CHMP3: variants seen among roughly 807,000 people sequenced by gnomAD.
The protein encoded by CHMP3 is 25.1 protein.
In CHMP3, 8 loss-of-function variants were observed where a neutral mutation model predicts 27.4. The ratio of observed to expected loss-of-function variants is 0.29; its 90% CI spans 0.17 to 0.53. CHMP3 has a LOEUF of 0.53. CHMP3 is among the 20% of genes least tolerant of loss of function. The pLI, the probability that CHMP3 is intolerant of heterozygous loss-of-function variation, is 0.96. For synonymous variants in CHMP3, 86 were observed against 85.5 expected, an observed-to-expected ratio of 1.01 and a Z score of -0.03; for missense variants, 208 against 271.5, an observed-to-expected ratio of 0.77 and a Z score of 1.64.
chr2:86,516,658 G>A lies in CHMP3; in HGVS notation c.287-6179C>T, dbSNP rs181188635. On this transcript the variant is annotated intron_variant, in intron 3 of 5. Coordinates refer to ENST00000263856, the MANE Select transcript of CHMP3 (RefSeq NM_016079.4). ...CAATGGGTAAATGGTTAAATAAACTGGTATATCCATATAATGGAATACCAC... is the reference window on the plus strand; with the variant it reads ...CAATGGGTAAATGGTTAAATAAACTAGTATATCCATATAATGGAATACCAC... Among the ~76,000 whole-genome samples, 395 of 152,192 alleles carry A rather than the reference G, an allele frequency of 2.6e-3. 2 individuals are homozygous for A. The highest frequency in any genetic ancestry group is 0.01 in the Middle Eastern group (3 of 294).
rs148700391 is a variant in CHMP3 at position 86,536,302 on chromosome 2, CCTTT to C, written c.106+5946_106+5949del. Reference sequence around the variant, plus strand: ...CGTGAGCCACCACGCCCGGCCTAAACCTTTCTAATTGTCCATGAATCTACCTTTA... The same window carrying C: ...CGTGAGCCACCACGCCCGGCCTAAACCTAATTGTCCATGAATCTACCTTTA... On this transcript the variant is annotated intron_variant, in intron 2 of 5. Transcript: ENST00000263856. Among the ~76,000 whole-genome samples, 1,456 of 152,302 alleles carry C rather than the reference CCTTT, an allele frequency of 9.6e-3. 14 individuals are homozygous for C. The highest frequency in any genetic ancestry group is 0.018 in the South Asian group (88 of 4,826).
At chr2:86,519,996 C>G (rs1675461743) in intron 3 of CHMP3, among the ~76,000 whole-genome samples, 1 of 151,976 alleles carries the variant, frequency 6.6e-6, no homozygotes, top group Non-Finnish European at 1.5e-5. Context: ...ATTTGTAGAC[C>G]TGAGTAATAA....
intron 2 of CHMP3, among the ~76,000 whole-genome samples, chr2:86,537,756 CACAGTGACTTCTACATTCCCTCATATAT>C (rs1676205324): frequency 6.6e-6 from 1 of 152,156 alleles, no homozygotes; most frequent in South Asian, 2.1e-4. Context: ...CCTGGGCACG[CACAGTGACTTCTACATTCCCTCATATAT>C]ACAGTTACTT....
chr2:86,548,540 G>T (rs1425511236), intron 1 of CHMP3, among the ~76,000 whole-genome samples: 5 of 152,208 alleles, frequency 3.3e-5, no homozygotes, highest in South Asian at 4.1e-4. Flanking sequence ...CAAGGCAGAA[G>T]AATTTTTCTT....
chr2:86,542,706 AT>A (rs1315993225), intron 1 of CHMP3: 2 of 159,572 alleles, frequency 1.3e-5, no homozygotes, highest in Admixed American at 1.3e-4. Flanking sequence ...ATGAGAACTC[AT>A]CTTTCCCTTT....
At chr2:86,509,267 T>C (rs886126014) in intron 4 of CHMP3, among the ~76,000 whole-genome samples, 1 of 152,188 alleles carries the variant, frequency 6.6e-6, no homozygotes, top group Admixed American at 6.5e-5. Context: ...GATCTTCTTA[T>C]CTGGTTCTAG....
At chr2:86,525,335 T>C (rs1675659561) in intron 3 of CHMP3, among the ~76,000 whole-genome samples, 1 of 152,138 alleles carries the variant, frequency 6.6e-6, no homozygotes, top group African/African-American at 2.4e-5. Flanking sequence ...ATGTGATACT[T>C]TGCTGAACTA....
intron 1 of CHMP3, among the ~76,000 whole-genome samples, chr2:86,554,599 G>C (rs1677038817): frequency 6.6e-6 from 1 of 152,154 alleles, no homozygotes; most frequent in Non-Finnish European, 1.5e-5. Flanking sequence ...TATTGCTGAT[G>C]AATGTACAAA....
At chr2:86,527,999 A>G (rs919867787) in intron 3 of CHMP3, among the ~76,000 whole-genome samples, 2 of 152,170 alleles carry the variant, frequency 1.3e-5, no homozygotes, top group African/African-American at 4.8e-5. Context: ...TAATCTTGAT[A>G]GATTTTTTAA....
chr2:86,532,149 T>C (rs1160230624), intron 2 of CHMP3, among the ~76,000 whole-genome samples: 3 of 152,322 alleles, frequency 2.0e-5, no homozygotes, highest in East Asian at 3.9e-4. Context: ...ATCATTTTCA[T>C]TATACAAGTC....
At chr2:86,521,598 C>T (rs1235571676) in intron 3 of CHMP3, among the ~76,000 whole-genome samples, 1 of 152,066 alleles carries the variant, frequency 6.6e-6, no homozygotes, top group Non-Finnish European at 1.5e-5. Flanking sequence ...CCCCATTTCC[C>T]CTTACCCTTG....
At chr2:86,559,387 G>T (rs1677257663) in intron 1 of CHMP3, among the ~76,000 whole-genome samples, 1 of 152,138 alleles carries the variant, frequency 6.6e-6, no homozygotes, top group Non-Finnish European at 1.5e-5. Context: ...GCATATGATA[G>T]TACTTCTCAG....
At chr2:86,550,433 AGAGG>A (rs1676860954) in intron 1 of CHMP3, among the ~76,000 whole-genome samples, 1 of 151,714 alleles carries the variant, frequency 6.6e-6, no homozygotes, top group South Asian at 2.1e-4. Context: ...GGAGAAAGGG[AGAGG>A]GAGAAAGGGA....
intron 3 of CHMP3, among the ~76,000 whole-genome samples, chr2:86,517,167 C>A (rs1675341122): frequency 6.6e-6 from 1 of 152,146 alleles, no homozygotes. Flanking sequence ...CATTCCCACA[C>A]CTGATACAAA....
chr2:86,509,597 G>A (rs894909065), intron 4 of CHMP3, among the ~76,000 whole-genome samples: 7 of 152,180 alleles, frequency 4.6e-5, no homozygotes, highest in African/African-American at 1.7e-4. Context: ...GCATGAAACA[G>A]CATCTGTGTG....
At chr2:86,532,545 C>A (rs1675967984) in intron 2 of CHMP3, among the ~76,000 whole-genome samples, 1 of 152,094 alleles carries the variant, frequency 6.6e-6, no homozygotes, top group African/African-American at 2.4e-5. Flanking sequence ...AGTCTTTCAC[C>A]ATTTATTTTG....
chr2:86,548,815 G>A (rs571913144), intron 1 of CHMP3, among the ~76,000 whole-genome samples: 106 of 149,564 alleles, frequency 7.1e-4, no homozygotes, highest in African/African-American at 2.1e-3. Context: ...CGGGGCGGCC[G>A]GGCAGAGGCG....
intron 2 of CHMP3, among the ~76,000 whole-genome samples, chr2:86,538,267 G>A (rs1462458810): frequency 6.6e-6 from 1 of 152,174 alleles, no homozygotes; most frequent in Non-Finnish European, 1.5e-5. Context: ...GGGGCTGGGG[G>A]TAGAGAGAAA....
In CHMP3 at chr2:86,536,475, GCTAGACA is replaced by G. The variant is rs542405037; in HGVS notation, c.106+5770_106+5776del. ...TGGCTTTTGTTTATCTGACAGTTTTGCTAGACATAAAATTTTGGTTGATAGGCCTTTT... is the reference window on the plus strand; with the variant it reads ...TGGCTTTTGTTTATCTGACAGTTTTGTAAAATTTTGGTTGATAGGCCTTTT... On this transcript the variant is annotated intron_variant, in intron 2 of 5. Coordinates refer to ENST00000263856, the MANE Select transcript of CHMP3 (RefSeq NM_016079.4). 4.3e-3 allele frequency among the ~76,000 whole-genome samples: 651 copies of G among 151,594 alleles called. 2 individuals are homozygous for G. Among genetic ancestry groups the G allele is most frequent in the Middle Eastern group, 6.8e-3 (2 of 292 alleles).
Sources: allele counts gnomAD v4.1 joint callset (sites outside exome capture counted in the v4.1 genomes callset), GRCh38; gene constraint gnomAD v4.1.1; transcripts MANE v1.5; gene names NCBI Gene and HGNC (gene_info 2026-07-23, HGNC 2026-07-21).